Variants in BRWD1 observed in about 807,000 individuals in gnomAD.
The protein encoded by BRWD1 is bromodomain and WD repeat domain containing 1, also known as bromodomain and WD repeat-containing protein 1.
Under a neutral mutation model 251.2 loss-of-function variants are expected in BRWD1, and 82 were observed. The observed-to-expected ratio is 0.33, with a 90% CI of 0.27 to 0.39. BRWD1 has a LOEUF of 0.39. BRWD1 is among the 10% of genes least tolerant of loss of function. BRWD1 has a pLI of 1.00. For synonymous variants in BRWD1, 918 were observed against 902.8 expected (o/e 1.02, Z -0.30); for missense variants, 2,233 against 2,711.6 (o/e 0.82, Z 3.92).
At chr21:39,234,710 T>C (rs550940504) in intron 23 of BRWD1, among the ~76,000 whole-genome samples, 1 of 152,160 alleles carries the variant, frequency 6.6e-6, no homozygotes, top group Non-Finnish European at 1.5e-5. Context: ...TTGTCTTATA[T>C]CCAGAAAATC....
intron 8 of BRWD1, among the ~76,000 whole-genome samples, chr21:39,282,849 C>T (rs536523222): frequency 7.2e-5 from 11 of 151,766 alleles, no homozygotes; most frequent in African/African-American, 2.4e-4. Context: ...ATCCCAACTA[C>T]TCGGGAGGCT....
Position 39,264,862 on chromosome 21 carries a change from G to C in BRWD1, c.1659+29C>G. 1.9e-6 allele frequency: 3 copies of C among 1,603,944 alleles called. No homozygotes were observed. In the South Asian group the frequency reaches 3.4e-5, roughly 18 times the overall value. ...AAAACACAGCTGATAACTATTACTT[G>C]CATGCTACAACAAAGTATTAAAAAT... On this transcript the variant is annotated intron_variant, in intron 16 of 40. Transcript: ENST00000342449.
intron 21 of BRWD1, among the ~76,000 whole-genome samples, chr21:39,241,557 G>C (rs1237710465): frequency 7.3e-6 from 1 of 136,678 alleles, no homozygotes; most frequent in Non-Finnish European, 1.5e-5. Flanking sequence ...AGGTTTCTCT[G>C]TACAGAAGGG....
At position 39,195,196 on chromosome 21, in the gene BRWD1, G is replaced by C; in HGVS notation, c.*1063C>G. The C allele has an allele frequency of 1.9e-6, 2 of 1,031,428 alleles. No individual in the cohort carries two copies. The highest frequency in any genetic ancestry group is 3.4e-5 in the African/African-American group (2 of 58,168). 63.9% of individuals were successfully genotyped at this position (1,031,428 alleles called of 1,614,324 possible). ...AGAATGCTTAGGATTGCACATGGAA[G>C]CAGTAAACTAAAACAAAGAGATGGA... On this transcript the variant is annotated 3_prime_UTR_variant, in exon 41 of 41. Coordinates refer to ENST00000342449, the MANE Select transcript of BRWD1 (RefSeq NM_033656.4).
intron 17 of BRWD1, among the ~76,000 whole-genome samples, chr21:39,261,068 T>C (rs898527525): frequency 6.6e-6 from 1 of 151,938 alleles, no homozygotes; most frequent in East Asian, 1.9e-4. Context: ...GTACTAAAAA[T>C]ACAAAAATTA....
At chr21:39,245,693 G>A (rs895881281) in intron 21 of BRWD1, among the ~76,000 whole-genome samples, 22 of 151,012 alleles carry the variant, frequency 1.5e-4, no homozygotes, top group Admixed American at 1.2e-3. Context: ...TCCACCTCCC[G>A]GGTTCAAGCT....
chr21:39,217,218 C>A (rs2032991248), intron 31 of BRWD1: 1 of 151,650 alleles, frequency 6.6e-6, no homozygotes, highest in Admixed American at 6.7e-5. Flanking sequence ...GCCTCAGCCT[C>A]CCAAGTACCT....
chr21:39,255,185 TG>T (rs1232815304), intron 19 of BRWD1, among the ~76,000 whole-genome samples: 1 of 151,718 alleles, frequency 6.6e-6, no homozygotes, highest in East Asian at 1.9e-4. Context: ...CTGAGGCAGG[TG>T]GAGCGCCTGA....
At chr21:39,247,414 G>A (rs1039844018) in intron 21 of BRWD1, among the ~76,000 whole-genome samples, 3 of 152,166 alleles carry the variant, frequency 2.0e-5, no homozygotes, top group Non-Finnish European at 4.4e-5. Flanking sequence ...AATCTGAAAT[G>A]CACACTAGAA....
chr21:39,296,222 A>T, intron 6 of BRWD1, 43 bp downstream of exon 6: 3 of 1,466,692 alleles, frequency 2.0e-6, no homozygotes, highest in Non-Finnish European at 2.8e-6. Flanking sequence ...TGAGAAATTT[A>T]AAAACAATTA....
In BRWD1 at chr21:39,196,640, T is replaced by C; in HGVS notation, c.6429A>G (p.Thr2143=). The change falls in exon 41 of 41, where the codon ACA becomes ACG. Residue 2143 remains threonine, a synonymous_variant. Coordinates refer to ENST00000342449, the MANE Select transcript of BRWD1 (RefSeq NM_033656.4). Reference sequence around the variant, plus strand: ...CAGGTCTAAACTTTGAATTCCCAGTTGTTTCAGAGATTTTCACATTTTCCA... The same window carrying C: ...CAGGTCTAAACTTTGAATTCCCAGTCGTTTCAGAGATTTTCACATTTTCCA... The part of the protein sequence containing the change: ...PELENVKISE[T]TGNSKFRPDT... The C allele has an allele frequency of 6.2e-7, 1 of 1,613,778 alleles. No individual in the cohort carries two copies. The highest frequency in any genetic ancestry group is 2.2e-5 in the East Asian group (1 of 44,878).
chr21:39,234,596 C>T (rs1178027493), intron 23 of BRWD1, among the ~76,000 whole-genome samples: 1 of 152,122 alleles, frequency 6.6e-6, no homozygotes, highest in East Asian at 1.9e-4. Flanking sequence ...TAATATGAGA[C>T]CCCAGAAAAC....
intron 40 of BRWD1, among the ~76,000 whole-genome samples, chr21:39,198,283 A>T (rs933203765): frequency 9.2e-5 from 14 of 152,226 alleles, no homozygotes; most frequent in African/African-American, 3.4e-4. Flanking sequence ...AGAAATGAAG[A>T]CTAAACTGCT....
chr21:39,264,550 G>C lies in BRWD1; in HGVS notation c.1795C>G (p.Pro599Ala). ...AATCTCTGATACTTGGTTGGATGAG[G>C]ATTTCCATCTACATCTACCAAGAAT... ...PPFLVDVDGN[P>A]HPTKYQRLVP... Residue 599 changes from proline to alanine, a missense_variant, in exon 17 of 41, where the codon CCT becomes GCT. Physicochemically the swap from Pro to Ala is conservative, Grantham distance 27. Coordinates refer to ENST00000342449, the MANE Select transcript of BRWD1 (RefSeq NM_033656.4). The C allele has an allele frequency of 6.2e-7, 1 of 1,613,338 alleles. No individual in the cohort carries two copies. The highest frequency in any genetic ancestry group is 8.5e-7 in the Non-Finnish European group (1 of 1,179,696).
upstream of BRWD1, chr21:39,313,961 GGCCACAAGAGGGGGCGATTCACCGCC>G (rs1180039860): frequency 1.1e-5 from 4 of 355,598 alleles, no homozygotes; most frequent in South Asian, 2.0e-5. Context: ...GCGGAAGCGC[GGCCACAAGAGGGGGCGATTCACCGCC>G]GCCCCCCGTG....
chr21:39,281,523 T>C (rs1472236959), intron 8 of BRWD1, among the ~76,000 whole-genome samples: 1 of 152,094 alleles, frequency 6.6e-6, no homozygotes, highest in Non-Finnish European at 1.5e-5. Context: ...GGCGAAACCC[T>C]GTCTCTACAA....
chr21:39,241,720 G>T (rs2034010918), intron 21 of BRWD1, among the ~76,000 whole-genome samples: 1 of 152,022 alleles, frequency 6.6e-6, no homozygotes, highest in South Asian at 2.1e-4. Context: ...TCACAGTTGT[G>T]TTTTTTACAA....
intron 36 of BRWD1, among the ~76,000 whole-genome samples, chr21:39,208,532 C>T (rs1235889291): frequency 6.6e-6 from 1 of 152,140 alleles, no homozygotes; most frequent in Non-Finnish European, 1.5e-5. Flanking sequence ...AAGTATTTTA[C>T]TTTAAATATG....
chr21:39,314,112 G>A (rs2036634583), upstream of BRWD1: 1 of 456,030 alleles, frequency 2.2e-6, no homozygotes, highest in Non-Finnish European at 4.4e-6. Flanking sequence ...TGGGGCCAGT[G>A]CGTCTTGCCC....
Sources: allele counts gnomAD v4.1 joint callset (sites outside exome capture counted in the v4.1 genomes callset), GRCh38; gene constraint gnomAD v4.1.1; transcripts MANE v1.5; gene names NCBI Gene and HGNC (gene_info 2026-07-23, HGNC 2026-07-21).